The following IMMP2L variants were observed in gnomAD, a reference collection of about 807,000 sequenced individuals.
IMMP2L encodes inner mitochondrial membrane peptidase subunit 2.
In IMMP2L, 18 loss-of-function variants were observed where a neutral mutation model predicts 19.3. The observed-to-expected ratio is 0.93, with a 90% CI of 0.64 to 1.38. The LOEUF (loss-of-function observed/expected upper bound fraction) is 1.38, where lower values mean the gene tolerates loss of function less well. IMMP2L is among the 40% of genes most tolerant of loss of function. The probability of loss-of-function intolerance (pLI) is 0.00; values close to 1 mark genes in which losing one functional copy is unlikely to be tolerated. For missense variants in IMMP2L, 233 were observed against 218.2 expected, an observed-to-expected ratio of 1.07 and a Z score of -0.43; for synonymous variants, 76 against 73.0, an observed-to-expected ratio of 1.04 and a Z score of -0.21.
At chr7:110,806,991 C>T (rs1392347641) in intron 5 of IMMP2L, among the ~76,000 whole-genome samples, 1 of 151,872 alleles carries the variant, frequency 6.6e-6, no homozygotes, top group Non-Finnish European at 1.5e-5. Context: ...TTGTATATGT[C>T]TGTTCTGATT....
In IMMP2L at chr7:111,340,097, G is replaced by GA. The variant is rs886101844; in HGVS notation, c.239+147140dup. Among the ~76,000 whole-genome samples, 17 of 150,644 alleles carry GA rather than the reference G, an allele frequency of 1.1e-4. No homozygotes were observed. In the South Asian group the frequency reaches 2.3e-3, roughly 20 times the overall value. ...AACTCTAGTACATGTGGAAAAAATAGAAAAAAAAAGTTATTGGGTATCAAA... is the reference window on the plus strand; with the variant it reads ...AACTCTAGTACATGTGGAAAAAATAGAAAAAAAAAAGTTATTGGGTATCAAA... On this transcript the variant is annotated intron_variant, in intron 3 of 5. Coordinates refer to ENST00000405709, the MANE Select transcript of IMMP2L (RefSeq NM_032549.4).
intron 3 of IMMP2L, among the ~76,000 whole-genome samples, chr7:111,230,331 A>G (rs1813578813): frequency 6.6e-6 from 1 of 152,026 alleles, no homozygotes; most frequent in Non-Finnish European, 1.5e-5. Flanking sequence ...TCTGATACCA[A>G]TTCAAACACT....
At chr7:111,127,370 T>C (rs214862) in intron 3 of IMMP2L, among the ~76,000 whole-genome samples, 14,802 of 152,176 alleles carry the variant, frequency 0.097, 1,703 homozygotes, top group African/African-American at 0.28. Context: ...GAAGAAGTAT[T>C]ACAAACATAT....
intron 3 of IMMP2L, among the ~76,000 whole-genome samples, chr7:111,310,121 G>C (rs1823344524): frequency 6.6e-6 from 1 of 151,754 alleles, no homozygotes. Context: ...TGTAATCCCA[G>C]CTACTCGCGG....
chr7:111,561,064 C>A (rs1791985133), intron 1 of IMMP2L, among the ~76,000 whole-genome samples: 1 of 152,158 alleles, frequency 6.6e-6, no homozygotes, highest in South Asian at 2.1e-4. Flanking sequence ...GCATAATGAG[C>A]TCCCAACCTT....
At chr7:111,431,166 A>C (rs1836589758) in intron 3 of IMMP2L, among the ~76,000 whole-genome samples, 1 of 151,888 alleles carries the variant, frequency 6.6e-6, no homozygotes, top group Admixed American at 6.6e-5. Context: ...TCTCCATCTC[A>C]GTAATAGGTA....
intron 4 of IMMP2L, among the ~76,000 whole-genome samples, chr7:110,932,648 C>T (rs891225607): frequency 9.2e-5 from 14 of 152,112 alleles, no homozygotes; most frequent in African/African-American, 3.4e-4. Flanking sequence ...GCCAATGGTC[C>T]CAGCTCAAGA....
chr7:110,743,789 C>G (rs1797145687), intron 5 of IMMP2L, among the ~76,000 whole-genome samples: 1 of 152,200 alleles, frequency 6.6e-6, no homozygotes, highest in Admixed American at 6.5e-5. Flanking sequence ...CTGGTGCCTA[C>G]ACCACCAGAG....
chr7:111,505,426 G>A (rs1475168568), intron 2 of IMMP2L, among the ~76,000 whole-genome samples: 2 of 151,928 alleles, frequency 1.3e-5, no homozygotes, highest in African/African-American at 4.8e-5. Flanking sequence ...TGATTCCTCA[G>A]GGATCTAGAA....
At chr7:111,366,893 A>G (rs2131053145) in intron 3 of IMMP2L, among the ~76,000 whole-genome samples, 1 of 152,082 alleles carries the variant, frequency 6.6e-6, no homozygotes, top group African/African-American at 2.4e-5. Context: ...GATAAAACCA[A>G]TGGGACAAAA....
At position 110,663,716 on chromosome 7, in the gene IMMP2L, G is replaced by C. The variant is rs751481347; in HGVS notation, c.414C>G (p.Ser138=). The change falls in exon 6 of 6, where the codon TCC becomes TCG. Residue 138 remains serine (S), a synonymous_variant. Coordinates refer to ENST00000405709, the MANE Select transcript of IMMP2L (RefSeq NM_032549.4). ...SFDSNSFGPV[S]LGLLHAHATH... Reference sequence around the variant, plus strand: ...TGGCATGGGCATGCAGAAGTCCTAGGGAAACCTTAATTCATGAGAAACAGA... The same window carrying C: ...TGGCATGGGCATGCAGAAGTCCTAGCGAAACCTTAATTCATGAGAAACAGA... 6.4e-7 allele frequency: 1 copy of C among 1,574,074 alleles called. No individual in the cohort carries two copies. Among genetic ancestry groups the C allele is most frequent in the African/African-American group, 1.4e-5 (1 of 72,506 alleles).
At chr7:111,193,074 A>C (rs1227638170) in intron 3 of IMMP2L, among the ~76,000 whole-genome samples, 2 of 152,146 alleles carry the variant, frequency 1.3e-5, no homozygotes, top group African/African-American at 4.8e-5. Context: ...ATATTGAGTA[A>C]AAGCAACTGT....
At chr7:110,931,855 C>T (rs1815526449) in intron 4 of IMMP2L, among the ~76,000 whole-genome samples, 1 of 152,122 alleles carries the variant, frequency 6.6e-6, no homozygotes, top group African/African-American at 2.4e-5. Context: ...CCAGAGGACC[C>T]CTTTTTCCCT....
At chr7:111,143,258 A>G (rs1803129430) in intron 3 of IMMP2L, among the ~76,000 whole-genome samples, 1 of 152,210 alleles carries the variant, frequency 6.6e-6, no homozygotes, top group Non-Finnish European at 1.5e-5. Context: ...TTGTGATGTT[A>G]TAACTACTAA....
At chr7:111,333,867 C>T (rs978596427) in intron 3 of IMMP2L, among the ~76,000 whole-genome samples, 5 of 152,020 alleles carry the variant, frequency 3.3e-5, no homozygotes, top group African/African-American at 1.2e-4. Context: ...ATTGTGGGAC[C>T]TCACCTTGTG....
intron 3 of IMMP2L, among the ~76,000 whole-genome samples, chr7:111,325,828 T>G (rs1028979071): frequency 2.0e-5 from 3 of 151,772 alleles, no homozygotes; most frequent in African/African-American, 7.2e-5. Context: ...ATCAGTGTAG[T>G]AGATCAAAAT....
chr7:111,531,028 T>C (rs1022514042), intron 1 of IMMP2L, among the ~76,000 whole-genome samples: 3 of 151,532 alleles, frequency 2.0e-5, no homozygotes, highest in Admixed American at 6.6e-5. Flanking sequence ...GTCAGCTCAC[T>C]GCAAGCTCCG....
intron 3 of IMMP2L, among the ~76,000 whole-genome samples, chr7:111,433,042 C>T (rs187094342): frequency 4.9e-4 from 74 of 151,542 alleles, no homozygotes; most frequent in African/African-American, 1.8e-3. Context: ...TCTCATGCTG[C>T]TATGAAGAAA....
intron 4 of IMMP2L, among the ~76,000 whole-genome samples, chr7:110,907,661 T>C (rs1183978717): frequency 6.6e-6 from 1 of 152,194 alleles, no homozygotes; most frequent in African/African-American, 2.4e-5. Flanking sequence ...TCCCTATCAA[T>C]AGTTTCTAGA....
Sources: gnomAD v4.1 joint callset for allele counts (sites outside exome capture counted in the v4.1 genomes callset) on GRCh38, gnomAD v4.1.1 for gene constraint, MANE v1.5 for transcripts, NCBI Gene and HGNC (gene_info 2026-07-23, HGNC 2026-07-21) for gene names.